DNAH14: variants seen among roughly 807,000 people sequenced by gnomAD.
The protein encoded by DNAH14 is axonemal beta dynein heavy chain 14.
Under a neutral mutation model 520.9 loss-of-function variants are expected in DNAH14, and 478 were observed. That is an observed-to-expected ratio of 0.92 (90% CI 0.85 to 0.99). The LOEUF is 0.99. Among genes scored for constraint, DNAH14 ranks in the 50% least tolerant of loss-of-function variants. The pLI is 0.00. For synonymous variants in DNAH14, 1,581 were observed against 1,757.2 expected, an observed-to-expected ratio of 0.90 and a Z score of 2.51; for missense variants, 4,831 against 5,234.5, an observed-to-expected ratio of 0.92 and a Z score of 2.38.
intron 46 of DNAH14, among the ~76,000 whole-genome samples, chr1:225,263,173 A>G (rs899776288): frequency 1.3e-5 from 2 of 151,432 alleles, no homozygotes; most frequent in African/African-American, 4.8e-5. Flanking sequence ...CATTAGACAC[A>G]TATATCCTAC....
chr1:225,372,812 T>C (rs564181465), intron 77 of DNAH14, among the ~76,000 whole-genome samples: 1 of 140,586 alleles, frequency 7.1e-6, no homozygotes, highest in Admixed American at 7.0e-5. Context: ...AGAGTTAATA[T>C]CTGTGACATA....
chr1:225,214,544 T>C (rs560526841), intron 41 of DNAH14, among the ~76,000 whole-genome samples: 13 of 152,164 alleles, frequency 8.5e-5, no homozygotes, highest in Non-Finnish European at 1.8e-4. Flanking sequence ...TGCTAGACTT[T>C]TTTTGGTTGG....
chr1:225,059,622 C>T (rs1431041711), intron 17 of DNAH14, among the ~76,000 whole-genome samples: 3 of 152,030 alleles, frequency 2.0e-5, no homozygotes, highest in African/African-American at 4.8e-5. Flanking sequence ...TTCCTAGCCT[C>T]GATGGTCTTT....
intron 27 of DNAH14, among the ~76,000 whole-genome samples, chr1:225,127,127 A>G (rs111898720): frequency 0.041 from 6,263 of 152,134 alleles, 172 homozygotes; most frequent in Non-Finnish European, 0.061. Context: ...TTTACTTCCA[A>G]CTATGTGGTC....
chr1:225,130,778 A>G (rs1461966480), intron 27 of DNAH14, among the ~76,000 whole-genome samples: 2 of 151,000 alleles, frequency 1.3e-5, no homozygotes, highest in Non-Finnish European at 3.0e-5. Flanking sequence ...TATGTAACTA[A>G]CCTGCACATT....
At position 225,079,288 on chromosome 1, in the gene DNAH14, G is replaced by T. The variant is rs1167752758; in HGVS notation, c.2506G>T (p.Ala836Ser). Residue 836 changes from alanine (A) to serine (S), a missense_variant, in exon 18 of 86, where the codon GCA (alanine) becomes TCA (serine). Ala to Ser is a moderately conservative substitution (Grantham distance 99, BLOSUM62 1). Coordinates refer to ENST00000682510, the MANE Select transcript of DNAH14 (RefSeq NM_001367479.1). ...EFLEHFIFLN[A>S]ISSKISKLEK... is the part of the protein sequence containing the mutation. Reference sequence around the variant, plus strand: ...TCTGGAGCATTTTATTTTTTTGAATGCAATTTCCTCAAAAATATCTAAATT... The same window carrying T: ...TCTGGAGCATTTTATTTTTTTGAATTCAATTTCCTCAAAAATATCTAAATT... 6.5e-7 allele frequency: 1 copy of T among 1,548,638 alleles called. No individual in the cohort carries two copies. The highest frequency in any genetic ancestry group is 8.7e-7 in the Non-Finnish European group (1 of 1,146,232).
At chr1:225,303,998 A>C (rs1271837074) in intron 57 of DNAH14, among the ~76,000 whole-genome samples, 1 of 151,888 alleles carries the variant, frequency 6.6e-6, no homozygotes, top group East Asian at 1.9e-4. Context: ...GGACAGAGAC[A>C]GAGTAGAACC....
chr1:225,106,307 C>T (rs976528616), intron 23 of DNAH14, among the ~76,000 whole-genome samples: 3 of 151,824 alleles, frequency 2.0e-5, no homozygotes, highest in Admixed American at 6.6e-5. Flanking sequence ...CTCTGGCTGC[C>T]CTTAACATTT....
At chr1:225,392,244 G>A in intron 83 of DNAH14, 47 bp from the exon 84 acceptor site, 1 of 1,543,976 alleles carries the variant, frequency 6.5e-7, no homozygotes, top group Non-Finnish European at 8.8e-7. Context: ...CCAGCAGGAG[G>A]CCCTGAGACT....
rs992848166 is a variant in DNAH14 at position 225,345,995 on chromosome 1, C to A, written c.10712C>A (p.Thr3571Asn). The change falls in exon 70 of 86, where the codon ACC becomes AAC. Residue 3571 changes from threonine to asparagine, a missense_variant. Transcript: ENST00000682510. ...SILDDDKIVD[T>N]LRKSKMTSNE... ...TTAGATGATGACAAAATTGTAGATA[C>A]CTTAAGAAAATCCAAAATGACATCA... 15 of 1,551,228 alleles carry A rather than the reference C, an allele frequency of 9.7e-6. No homozygotes were observed. The highest frequency in any genetic ancestry group is 2.0e-5 in the Admixed American group (1 of 50,896).
intron 46 of DNAH14, among the ~76,000 whole-genome samples, chr1:225,263,280 T>TATATACATGTATATATACGTA (rs1558194294): frequency 6.6e-6 from 1 of 151,492 alleles, no homozygotes; most frequent in African/African-American, 2.4e-5. Context: ...CTTGGATATC[T>TATATACATGTATATATACGTA]TATAAACATT....
intron 31 of DNAH14, among the ~76,000 whole-genome samples, chr1:225,147,993 C>T (rs1472052017): frequency 2.0e-5 from 3 of 152,152 alleles, no homozygotes; most frequent in South Asian, 2.1e-4. Flanking sequence ...CATAGTATTC[C>T]ATGGTGTATA....
intron 81 of DNAH14, among the ~76,000 whole-genome samples, chr1:225,383,568 A>G (rs1326551919): frequency 6.6e-6 from 1 of 152,232 alleles, no homozygotes; most frequent in Non-Finnish European, 1.5e-5. Flanking sequence ...GAGTGACAAG[A>G]GGTGAGATGA....
intron 11 of DNAH14, among the ~76,000 whole-genome samples, chr1:225,032,282 T>C (rs1464590482): frequency 6.6e-6 from 1 of 151,976 alleles, no homozygotes; most frequent in Non-Finnish European, 1.5e-5. Context: ...TTATTTGTGT[T>C]CATAAGTTCT....
intron 8 of DNAH14, among the ~76,000 whole-genome samples, chr1:224,982,143 T>A (rs2062319142): frequency 1.3e-5 from 2 of 152,178 alleles, no homozygotes; most frequent in African/African-American, 4.8e-5. Flanking sequence ...CACCAGTACC[T>A]GAGCTTTAAT....
intron 2 of DNAH14, among the ~76,000 whole-genome samples, chr1:224,954,134 T>C (rs911311883): frequency 1.3e-5 from 2 of 151,860 alleles, no homozygotes; most frequent in African/African-American, 4.8e-5. Context: ...ACAACAGATA[T>C]GGATAGACAT....
rs561189105 is a variant in DNAH14 at position 224,943,745 on chromosome 1, A to C, written c.-33-8925A>C. The stretch of plus-strand genomic sequence containing the variant: ...ACATCTTTATTTCTGCCTTCATTTC[A>C]TTATGTACCCAGTAGTCATTCAGGA... On this transcript the variant is annotated intron_variant, in intron 1 of 85. Coordinates refer to ENST00000682510, the MANE Select transcript of DNAH14 (RefSeq NM_001367479.1). 5.7e-4 allele frequency among the ~76,000 whole-genome samples: 86 copies of C among 151,970 alleles called. 1 individual carries two copies. The East Asian group carries it at 0.013, about 24-fold the overall frequency.
At chr1:225,053,558 C>G (rs1274587242) in intron 17 of DNAH14, among the ~76,000 whole-genome samples, 4 of 152,052 alleles carry the variant, frequency 2.6e-5, no homozygotes, top group Admixed American at 2.0e-4. Context: ...AAAGCTGTTT[C>G]CATCATCTAG....
chr1:225,170,080 G>A (rs1051176587), intron 36 of DNAH14, among the ~76,000 whole-genome samples: 2 of 152,110 alleles, frequency 1.3e-5, no homozygotes, highest in Non-Finnish European at 2.9e-5. Flanking sequence ...GAGAGATTTT[G>A]TCACCACCAG....
Sources: allele counts gnomAD v4.1 joint callset (sites outside exome capture counted in the v4.1 genomes callset), GRCh38; gene constraint gnomAD v4.1.1; transcripts MANE v1.5; gene names NCBI Gene and HGNC (gene_info 2026-07-23, HGNC 2026-07-21).